Variants in KLHL1 observed in about 807,000 individuals in gnomAD.
KLHL1 encodes kelch-like protein 1.
A neutral mutation model predicts 77.7 loss-of-function variants in KLHL1; 47 were observed. That is an observed-to-expected ratio of 0.60 (90% CI 0.48 to 0.77). The LOEUF (loss-of-function observed/expected upper bound fraction) is 0.77, where lower values mean the gene tolerates loss of function less well. Among genes scored for constraint, KLHL1 ranks in the 30% least tolerant of loss-of-function variants. The probability of loss-of-function intolerance (pLI) is 0.00; values close to 1 mark genes in which losing one functional copy is unlikely to be tolerated. For missense variants in KLHL1, 925 were observed against 910.8 expected (o/e 1.02, Z -0.20); for synonymous variants, 360 against 325.2 (o/e 1.11, Z -1.15).
intron 1 of KLHL1, among the ~76,000 whole-genome samples, chr13:70,027,735 G>GAGT (rs1885991797): frequency 1.4e-5 from 2 of 146,902 alleles, no homozygotes; most frequent in Admixed American, 1.4e-4. Context: ...TGCATCCCGT[G>GAGT]AGTGAGAAAC....
chr13:69,776,591 A>G lies in KLHL1; in HGVS notation c.1639+20147T>C, dbSNP rs918576526. On this transcript the variant is annotated intron_variant, in intron 7 of 10. Coordinates refer to ENST00000377844, the MANE Select transcript of KLHL1 (RefSeq NM_020866.3). ...CATGCACATAGAGTTGGCAACTATT[A>G]GGGCTGAGAAATTTTCTATTAAATG... Among the ~76,000 whole-genome samples, 4 of 152,218 alleles carry G rather than the reference A, an allele frequency of 2.6e-5. No individual in the cohort carries two copies. In the East Asian group the frequency reaches 7.7e-4, roughly 29 times the overall value.
In KLHL1 at chr13:69,981,016, G is replaced by A. The variant is rs868643960; in HGVS notation, c.498-5214C>T. On this transcript the variant is annotated intron_variant, in intron 1 of 10. Transcript: ENST00000377844. ...AGAATAGCTACCACTAAATAAACAA[G>A]CAATAGAATTTATATCCCAAAACCT... Among the ~76,000 whole-genome samples the A allele has an allele frequency of 4.6e-5, 7 of 152,222 alleles. No individual in the cohort carries two copies. The Middle Eastern group carries it at 0.014, about 296-fold the overall frequency.
intron 1 of KLHL1, among the ~76,000 whole-genome samples, chr13:70,060,080 A>T (rs1006361588): frequency 1.3e-5 from 2 of 152,224 alleles, no homozygotes; most frequent in Non-Finnish European, 2.9e-5. Context: ...ACTTGGAAAA[A>T]TCCAATAATC....
rs1787524731 is a variant in KLHL1 at position 69,974,588 on chromosome 13, A to C, written c.680+1032T>G. ...TAGGAAACACCCATCTTTTTAAAAA[A>C]TTAATGAGCATTTGATGTGTTAATA... On this transcript the variant is annotated intron_variant, in intron 2 of 10. Coordinates refer to ENST00000377844, the MANE Select transcript of KLHL1 (RefSeq NM_020866.3). 1.3e-5 allele frequency among the ~76,000 whole-genome samples: 2 copies of C among 152,000 alleles called. 1 individual carries two copies. The highest frequency in any genetic ancestry group is 4.1e-4 in the South Asian group (2 of 4,832).
chr13:69,807,142 A>G (rs1954544103), intron 6 of KLHL1, among the ~76,000 whole-genome samples: 1 of 152,178 alleles, frequency 6.6e-6, no homozygotes, highest in South Asian at 2.1e-4. Context: ...ATGTCATCCC[A>G]TGCATATCTA....
chr13:69,877,014 G>A (rs767978116), intron 5 of KLHL1, among the ~76,000 whole-genome samples: 20 of 151,902 alleles, frequency 1.3e-4, no homozygotes, highest in Non-Finnish European at 2.4e-4. Context: ...TCCAGCCTGG[G>A]CAACAAGAGC....
chr13:69,939,609 C>A (rs1883302612), intron 4 of KLHL1, among the ~76,000 whole-genome samples: 1 of 151,768 alleles, frequency 6.6e-6, no homozygotes, highest in South Asian at 2.1e-4. Flanking sequence ...TTATTAATAT[C>A]TATCAATATG....
chr13:70,011,043 A>G (rs1285689696), intron 1 of KLHL1, among the ~76,000 whole-genome samples: 3 of 152,114 alleles, frequency 2.0e-5, no homozygotes, highest in Non-Finnish European at 4.4e-5. Flanking sequence ...AAGTTTCATA[A>G]TTGTTATTGA....
intron 6 of KLHL1, among the ~76,000 whole-genome samples, chr13:69,833,770 T>TATATAC (rs1566304585): frequency 7.1e-5 from 10 of 140,796 alleles, no homozygotes; most frequent in African/African-American, 2.9e-4. Context: ...TATATATACA[T>TATATAC]ACATACATAC....
intron 1 of KLHL1, among the ~76,000 whole-genome samples, chr13:70,048,787 C>T (rs1317956025): frequency 6.6e-6 from 1 of 152,208 alleles, no homozygotes; most frequent in African/African-American, 2.4e-5. Context: ...TACTAGCCCA[C>T]TACTCACCTC....
At chr13:70,039,872 C>A (rs1022054425) in intron 1 of KLHL1, among the ~76,000 whole-genome samples, 1 of 151,946 alleles carries the variant, frequency 6.6e-6, no homozygotes. Context: ...AAATTCTGAC[C>A]TCAAGTGATC....
intron 1 of KLHL1, among the ~76,000 whole-genome samples, chr13:70,036,884 A>G (rs1175733060): frequency 3.0e-5 from 2 of 67,160 alleles, no homozygotes; most frequent in Non-Finnish European, 5.8e-5. Flanking sequence ...AAAGCTAAGC[A>G]TTCGATTTCT....
At chr13:70,054,766 T>A (rs574145613) in intron 1 of KLHL1, among the ~76,000 whole-genome samples, 1 of 147,670 alleles carries the variant, frequency 6.8e-6, no homozygotes, top group African/African-American at 2.5e-5. Context: ...AGCTGAAAAA[T>A]TCAAAAGAAA....
chr13:69,832,739 G>T (rs113174583), intron 6 of KLHL1, among the ~76,000 whole-genome samples: 6,755 of 151,960 alleles, frequency 0.044, 209 homozygotes, highest in African/African-American at 0.076. Flanking sequence ...AAACAGCATG[G>T]TACTGGTATA....
At chr13:69,813,137 T>C (rs1323954949) in intron 6 of KLHL1, among the ~76,000 whole-genome samples, 3 of 152,060 alleles carry the variant, frequency 2.0e-5, no homozygotes, top group Non-Finnish European at 4.4e-5. Flanking sequence ...TGGAATACTA[T>C]GCAGCCATGA....
At chr13:69,873,970 A>T (rs1480237807) in intron 5 of KLHL1, among the ~76,000 whole-genome samples, 1 of 152,138 alleles carries the variant, frequency 6.6e-6, no homozygotes, top group Non-Finnish European at 1.5e-5. Context: ...AACAGTAAAC[A>T]TTTAAGCTGA....
chr13:70,021,213 T>G (rs1484256871), intron 1 of KLHL1, among the ~76,000 whole-genome samples: 3 of 152,062 alleles, frequency 2.0e-5, no homozygotes, highest in Non-Finnish European at 4.4e-5. Context: ...CTTCTGAAAC[T>G]TTTTAGTGTT....
chr13:69,953,932 T>C (rs1480981152), intron 3 of KLHL1, among the ~76,000 whole-genome samples: 1 of 151,290 alleles, frequency 6.6e-6, no homozygotes, highest in African/African-American at 2.4e-5. Flanking sequence ...TGCTAAACTT[T>C]ATGCTAAACT....
Position 69,707,754 on chromosome 13 carries a change from C to G in KLHL1, c.2058G>C (p.Leu686Phe). The G allele has an allele frequency of 1.2e-6, 2 of 1,612,748 alleles. No homozygotes were observed. The highest frequency in any genetic ancestry group is 1.7e-6 in the Non-Finnish European group (2 of 1,179,158). ...KTDTWTMVAP[L>F]SMPRDAVGVC... Reference sequence around the variant, plus strand: ...CCCCAACAGCATCTCTGGGCATACTCAAAGGAGCCACCATGGTCCAAGTGT... The same window carrying G: ...CCCCAACAGCATCTCTGGGCATACTGAAAGGAGCCACCATGGTCCAAGTGT... The change falls in exon 10 of 11, where the codon TTG becomes TTC. Residue 686 changes from leucine to phenylalanine, a missense_variant. Physicochemically the swap from Leu to Phe is conservative, Grantham distance 22. Coordinates refer to ENST00000377844, the MANE Select transcript of KLHL1 (RefSeq NM_020866.3).
Sources: gnomAD v4.1 joint callset for allele counts (sites outside exome capture counted in the v4.1 genomes callset) on GRCh38, gnomAD v4.1.1 for gene constraint, MANE v1.5 for transcripts, NCBI Gene and HGNC (gene_info 2026-07-23, HGNC 2026-07-21) for gene names.